LPP: variants seen among roughly 807,000 people sequenced by gnomAD.
The protein encoded by LPP is LIM domain containing preferred translocation partner in lipoma.
LPP carries 38 observed loss-of-function variants against 60.4 expected under a neutral mutation model. That is an observed-to-expected ratio of 0.63 (90% CI 0.49 to 0.83). LPP has a LOEUF of 0.83. LPP is among the 40% of genes least tolerant of loss of function. LPP has a pLI of 0.00. For synonymous variants in LPP, 328 were observed against 290.8 expected (o/e 1.13, Z -1.30); for missense variants, 902 against 783.6 (o/e 1.15, Z -1.80).
At chr3:188,471,636 G>T (rs908331196) in intron 4 of LPP, among the ~76,000 whole-genome samples, 3 of 152,186 alleles carry the variant, frequency 2.0e-5, no homozygotes, top group Non-Finnish European at 4.4e-5. Flanking sequence ...TCTAAATTCA[G>T]ATTTGAGCAC....
chr3:188,627,609 G>A (rs1262747008), intron 7 of LPP, among the ~76,000 whole-genome samples: 1 of 152,092 alleles, frequency 6.6e-6, no homozygotes, highest in Non-Finnish European at 1.5e-5. Context: ...TTCTAAGTAT[G>A]TATGCACCCA....
chr3:188,853,695 TG>T (rs2151880477), intron 9 of LPP, among the ~76,000 whole-genome samples: 1 of 152,346 alleles, frequency 6.6e-6, no homozygotes, highest in African/African-American at 2.4e-5. Flanking sequence ...GCATATAAAC[TG>T]ATCGTCTTTG....
At chr3:188,404,521 G>C (rs1472652015) in intron 3 of LPP, among the ~76,000 whole-genome samples, 2 of 152,208 alleles carry the variant, frequency 1.3e-5, no homozygotes, top group African/African-American at 4.8e-5. Context: ...TCGGATTAGA[G>C]GCGTGAGCCA....
chr3:188,595,085 C>A (rs1407734337), intron 6 of LPP, among the ~76,000 whole-genome samples: 2 of 152,090 alleles, frequency 1.3e-5, no homozygotes, highest in Non-Finnish European at 2.9e-5. Context: ...CCTTAGGTAT[C>A]AGAATTTATC....
intron 7 of LPP, among the ~76,000 whole-genome samples, chr3:188,684,151 G>C (rs1247383980): frequency 6.6e-6 from 1 of 152,186 alleles, no homozygotes; most frequent in Non-Finnish European, 1.5e-5. Flanking sequence ...TCAATAAACA[G>C]TCTAATCTCG....
chr3:188,781,668 G>C (rs1203368683), intron 9 of LPP, among the ~76,000 whole-genome samples: 1 of 151,588 alleles, frequency 6.6e-6, no homozygotes, highest in Non-Finnish European at 1.5e-5. Context: ...TGGATCACGA[G>C]GTCAGGAGAT....
chr3:188,271,724 C>T (rs1281710040), intron 2 of LPP, among the ~76,000 whole-genome samples: 2 of 152,084 alleles, frequency 1.3e-5, no homozygotes, highest in Admixed American at 1.3e-4. Context: ...GGGTTCAAAC[C>T]AAAGTTGTCC....
intron 7 of LPP, among the ~76,000 whole-genome samples, chr3:188,669,211 A>C (rs371242076): frequency 6.6e-6 from 1 of 152,136 alleles, no homozygotes; most frequent in East Asian, 1.9e-4. Context: ...GGTAATCAAG[A>C]GTCTTATTTA....
chr3:188,577,653 CA>C (rs1834940642), intron 6 of LPP, among the ~76,000 whole-genome samples: 1 of 151,740 alleles, frequency 6.6e-6, no homozygotes, highest in Non-Finnish European at 1.5e-5. Flanking sequence ...TAAATATCTA[CA>C]AAGGCAAATT....
Position 188,307,034 on chromosome 3 carries a change from A to G in LPP, c.-66-34629A>G, listed in dbSNP as rs183318576. Among the ~76,000 whole-genome samples the G allele has an allele frequency of 2.6e-5, 4 of 152,364 alleles. No homozygotes were observed. The East Asian group carries it at 7.7e-4, about 29-fold the overall frequency. On this transcript the variant is annotated intron_variant, in intron 2 of 11. Coordinates refer to ENST00000617246, the MANE Select transcript of LPP (RefSeq NM_001375462.1). ...TCTTCTGTGCATATTTTTAACTGGT[A>G]GAGATAACAGTAAATGATGGCAAAA...
chr3:188,226,111 C>T (rs1194186485), intron 2 of LPP, among the ~76,000 whole-genome samples: 1 of 152,106 alleles, frequency 6.6e-6, no homozygotes, highest in African/African-American at 2.4e-5. Context: ...CAGGTTCAAG[C>T]GATTCTCCTG....
At chr3:188,581,437 C>G (rs1227134334) in intron 6 of LPP, among the ~76,000 whole-genome samples, 1 of 152,186 alleles carries the variant, frequency 6.6e-6, no homozygotes. Context: ...GTCTCTCTTG[C>G]ATTCTTAACT....
At chr3:188,251,415 TA>T (rs1385818367) in intron 2 of LPP, among the ~76,000 whole-genome samples, 2 of 152,154 alleles carry the variant, frequency 1.3e-5, no homozygotes, top group Non-Finnish European at 2.9e-5. Context: ...AGAAAGATGT[TA>T]GAGACCAATA....
chr3:188,841,348 T>TCCTGC (rs1759927351), intron 9 of LPP, among the ~76,000 whole-genome samples: 1 of 151,110 alleles, frequency 6.6e-6, no homozygotes, highest in Non-Finnish European at 1.5e-5. Context: ...TAAATTCTAC[T>TCCTGC]CCTGCCTCTT....
intron 9 of LPP, among the ~76,000 whole-genome samples, chr3:188,799,168 T>C (rs779110655): frequency 5.3e-5 from 8 of 152,356 alleles, no homozygotes; most frequent in African/African-American, 1.9e-4. Context: ...AGTAAATAAA[T>C]AGAAGCTCTC....
At chr3:188,441,101 T>C (rs1313361347) in intron 4 of LPP, among the ~76,000 whole-genome samples, 1 of 152,116 alleles carries the variant, frequency 6.6e-6, no homozygotes, top group Non-Finnish European at 1.5e-5. Context: ...ATAAAAAATA[T>C]TCACTTTTCA....
At chr3:188,809,449 T>G (rs1298129763) in intron 9 of LPP, among the ~76,000 whole-genome samples, 2 of 152,236 alleles carry the variant, frequency 1.3e-5, no homozygotes, top group Non-Finnish European at 2.9e-5. Context: ...ATTGAGCTTT[T>G]TTTCATGTTT....
At chr3:188,162,116 C>T (rs1718472512) in intron 1 of LPP, among the ~76,000 whole-genome samples, 1 of 152,228 alleles carries the variant, frequency 6.6e-6, no homozygotes, top group Non-Finnish European at 1.5e-5. Context: ...CTGCCCATCA[C>T]AATGTATCTC....
intron 5 of LPP, among the ~76,000 whole-genome samples, chr3:188,488,078 G>A (rs1012858665): frequency 4.7e-5 from 7 of 149,910 alleles, no homozygotes; most frequent in Non-Finnish European, 8.9e-5. Context: ...TGGATCCTCT[G>A]GTTTCTGACA....
Sources: allele counts gnomAD v4.1 joint callset (sites outside exome capture counted in the v4.1 genomes callset), GRCh38; gene constraint gnomAD v4.1.1; transcripts MANE v1.5; gene names NCBI Gene and HGNC (gene_info 2026-07-23, HGNC 2026-07-21).